EEIG2: variants seen among roughly 807,000 people sequenced by gnomAD.
EEIG2 encodes the protein family with sequence similarity 102 member B.
the EEIG2 span, chr1:108,560,258 C>T: frequency 4.4e-6 from 1 of 227,664 alleles, no homozygotes. Flanking sequence ...CAGGCTGCCG[C>T]GAGAGGCGGC....
At chr1:108,588,375 T>C in the EEIG2 span, among the ~76,000 whole-genome samples, 1 of 152,184 alleles carries the variant, frequency 6.6e-6, no homozygotes, top group Non-Finnish European at 1.5e-5. Flanking sequence ...ACTTTGTCTT[T>C]TGTCTTTTCG....
At chr1:108,579,381 A>C in the EEIG2 span, among the ~76,000 whole-genome samples, 5 of 142,460 alleles carry the variant, frequency 3.5e-5, no homozygotes, top group Admixed American at 3.6e-4. Context: ...ATTCAACAAG[A>C]GGAGCTAACT....
the EEIG2 span, chr1:108,606,398 C>A: frequency 2.2e-6 from 1 of 457,382 alleles, no homozygotes; most frequent in Non-Finnish European, 3.9e-6. Context: ...ACAGTTGGAT[C>A]TAACAGTAAA....
At chr1:108,573,787 A>G in the EEIG2 span, among the ~76,000 whole-genome samples, 2 of 152,338 alleles carry the variant, frequency 1.3e-5, no homozygotes, top group African/African-American at 4.8e-5. Context: ...ATACAGCATC[A>G]CTTATCATTA....
the EEIG2 span, chr1:108,636,711 A>C: frequency 6.6e-6 from 1 of 152,166 alleles, no homozygotes; most frequent in African/African-American, 2.4e-5. Context: ...TTATTTTTTA[A>C]GATTTATTTT....
At chr1:108,601,349 A>G in the EEIG2 span, among the ~76,000 whole-genome samples, 1 of 152,010 alleles carries the variant, frequency 6.6e-6, no homozygotes. Flanking sequence ...TCAAAAATTA[A>G]ATAGAGAAGA....
chr1:108,578,311 C>T, the EEIG2 span, among the ~76,000 whole-genome samples: 19 of 128,702 alleles, frequency 1.5e-4, no homozygotes, highest in African/African-American at 5.5e-4. Flanking sequence ...TGCCTGATTG[C>T]CCTGGCCAGA....
At chr1:108,631,452 G>A in the EEIG2 span, among the ~76,000 whole-genome samples, 1 of 152,150 alleles carries the variant, frequency 6.6e-6, no homozygotes, top group Non-Finnish European at 1.5e-5. Context: ...CAAACTAAAA[G>A]TCATAACATT....
At chr1:108,588,385 G>A in the EEIG2 span, among the ~76,000 whole-genome samples, 27 of 152,098 alleles carry the variant, frequency 1.8e-4, no homozygotes, top group South Asian at 6.2e-4. Context: ...TTGTCTTTTC[G>A]ATAATATCCA....
At chr1:108,568,110 T>C in the EEIG2 span, among the ~76,000 whole-genome samples, 2 of 152,178 alleles carry the variant, frequency 1.3e-5, no homozygotes, top group African/African-American at 4.8e-5. Context: ...CATTATTGGA[T>C]AGTCATATCT....
chr1:108,594,863 G>A, the EEIG2 span, among the ~76,000 whole-genome samples: 1 of 152,144 alleles, frequency 6.6e-6, no homozygotes, highest in African/African-American at 2.4e-5. Flanking sequence ...ATAATGCTGT[G>A]CTGAAGTTTC....
chr1:108,589,604 C>T, the EEIG2 span, among the ~76,000 whole-genome samples: 15 of 151,980 alleles, frequency 9.9e-5, no homozygotes, highest in African/African-American at 3.6e-4. Context: ...TTTGCTTCTC[C>T]CACTGTTGAC....
the EEIG2 span, among the ~76,000 whole-genome samples, chr1:108,575,654 A>C: frequency 6.6e-6 from 1 of 152,358 alleles, no homozygotes; most frequent in South Asian, 2.1e-4. Flanking sequence ...AGTACTGCTA[A>C]ATGCAACAAC....
At chr1:108,560,568 A>G in the EEIG2 span, 22 of 1,608,956 alleles carry the variant, frequency 1.4e-5, no homozygotes, top group Non-Finnish European at 1.9e-5. Context: ...TCCTCCAGGT[A>G]ACTCGCCTCC....
At chr1:108,606,336 C>T in the EEIG2 span, 18 of 884,906 alleles carry the variant, frequency 2.0e-5, no homozygotes, top group South Asian at 2.8e-4. Flanking sequence ...ATTGTTTACT[C>T]TTCTAATATC....
the EEIG2 span, among the ~76,000 whole-genome samples, chr1:108,617,476 T>C: frequency 6.6e-6 from 1 of 152,184 alleles, no homozygotes; most frequent in Non-Finnish European, 1.5e-5. Flanking sequence ...ACGTTTTAAA[T>C]TGGAGATCCC....
At chr1:108,576,883 CAAT>C in the EEIG2 span, among the ~76,000 whole-genome samples, 2 of 152,118 alleles carry the variant, frequency 1.3e-5, no homozygotes, top group African/African-American at 4.8e-5. Context: ...CTGACTTCCA[CAAT>C]GGTTGAACTA....
the EEIG2 span, among the ~76,000 whole-genome samples, chr1:108,584,608 G>A: frequency 6.6e-6 from 1 of 152,094 alleles, no homozygotes; most frequent in Non-Finnish European, 1.5e-5. Flanking sequence ...TTCCTTGTTC[G>A]CAGATTACAA....
the EEIG2 span, among the ~76,000 whole-genome samples, chr1:108,576,773 T>C: frequency 6.6e-6 from 1 of 150,562 alleles, no homozygotes; most frequent in Non-Finnish European, 1.5e-5. Flanking sequence ...GCATGTGTCT[T>C]TATAGCAGCA....
Sources: gnomAD v4.1 joint callset for allele counts (sites outside exome capture counted in the v4.1 genomes callset) on GRCh38, gnomAD v4.1.1 for gene constraint, MANE v1.5 for transcripts, NCBI Gene and HGNC (gene_info 2026-07-23, HGNC 2026-07-21) for gene names.